Variants in WASHC5 observed in about 807,000 individuals in gnomAD.
The protein encoded by WASHC5 is WASH complex subunit strumpellin.
A neutral mutation model predicts 150.4 loss-of-function variants in WASHC5; 101 were observed. The observed-to-expected ratio is 0.67, with a 90% CI of 0.57 to 0.79. The LOEUF (loss-of-function observed/expected upper bound fraction) is 0.79, where lower values mean the gene tolerates loss of function less well. Ranked by LOEUF, WASHC5 falls within the 30% of genes least tolerant of loss-of-function variation. WASHC5 has a pLI of 0.00. For synonymous variants in WASHC5, 467 were observed against 491.2 expected (o/e 0.95, Z 0.65); for missense variants, 1,195 against 1,396.3 (o/e 0.86, Z 2.30).
At chr8:125,085,794 C>G (rs1230292537) in intron 1 of WASHC5, among the ~76,000 whole-genome samples, 1 of 152,190 alleles carries the variant, frequency 6.6e-6, no homozygotes, top group Non-Finnish European at 1.5e-5. Context: ...AAGACTTACA[C>G]AAATGAAATA....
intron 8 of WASHC5, among the ~76,000 whole-genome samples, chr8:125,074,729 A>G (rs1817001916): frequency 6.6e-6 from 1 of 152,200 alleles, no homozygotes; most frequent in Non-Finnish European, 1.5e-5. Context: ...GCAAAAGTAA[A>G]CTAAGTCATT....
chr8:125,024,647 G>C lies in WASHC5; in HGVS notation c.3450C>G (p.Phe1150Leu). The change falls in exon 29 of 29, where the codon TTC (phenylalanine) becomes TTG (leucine). Residue 1150 changes from phenylalanine (F) to leucine (L), a missense_variant. Physicochemically the swap from Phe to Leu is conservative, Grantham distance 22. Around this residue, in one of 3 missense-constraint regions of WASHC5, gnomAD observed 997 missense variants for 1,168.1 expected, o/e 0.85. Transcript: ENST00000318410. ...RRVAEAHVPNFIFDEFRTVL is the reference protein window; with the variant it reads ...RRVAEAHVPNLIFDEFRTVL ...GCACTGTTCTGAACTCATCAAAAAT[G>C]AAATTAGGCACATGTGCTTCAGCAA... 1.2e-6 allele frequency: 2 copies of C among 1,611,372 alleles called. No homozygotes were observed. Among genetic ancestry groups the C allele is most frequent in the Non-Finnish European group, 1.7e-6 (2 of 1,177,586 alleles).
At chr8:125,044,792 A>G in intron 20 of WASHC5, 94 bp from the exon 21 acceptor site, 1 of 1,237,586 alleles carries the variant, frequency 8.1e-7, no homozygotes, top group Non-Finnish European at 1.2e-6. Context: ...ACCAAATATG[A>G]AGAACAGGAG....
chr8:125,032,422 A>G, intron 26 of WASHC5, 28 bp from the exon 27 acceptor site: 1 of 1,612,860 alleles, frequency 6.2e-7, no homozygotes, highest in South Asian at 1.1e-5. Context: ...GCAACACCAT[A>G]TGAAGTACTT....
intron 10 of WASHC5, among the ~76,000 whole-genome samples, chr8:125,066,273 C>A (rs951862936): frequency 1.3e-5 from 2 of 152,174 alleles, no homozygotes; most frequent in African/African-American, 4.8e-5. Context: ...TGTTAGCAGT[C>A]AGTATCTATT....
chr8:125,038,044 C>T lies in WASHC5; in HGVS notation c.3085-711G>A, dbSNP rs147036493. On this transcript the variant is annotated intron_variant, in intron 25 of 28. Transcript: ENST00000318410. ...CCTCGGGTTCCTCAACTCATAATGG[C>T]GTATTTCATAGGGCTTGTTGTGAGA... Among the ~76,000 whole-genome samples the T allele has an allele frequency of 3.6e-3, 551 of 152,110 alleles. 2 individuals carry two copies. The highest frequency in any genetic ancestry group is 0.013 in the African/African-American group (525 of 41,490).
At chr8:125,041,241 C>T (rs1815875699) in intron 23 of WASHC5, among the ~76,000 whole-genome samples, 1 of 152,046 alleles carries the variant, frequency 6.6e-6, no homozygotes, top group African/African-American at 2.4e-5. Context: ...TCCTAAAAGA[C>T]TGGCAAAGGG....
In WASHC5 at chr8:125,056,827, A is replaced by G. The variant is rs767320180; in HGVS notation, c.1876-10T>C. 3.7e-6 allele frequency: 6 copies of G among 1,614,166 alleles called. No homozygotes were observed. The East Asian group carries it at 6.7e-5, about 18-fold the overall frequency. ...GGATGATCTGCAAAACCTTCAGTGA[A>G]AAGGAAAGCAGGAAACGCAATGAAC... is the stretch of plus-strand genomic sequence containing the variant. On this transcript the variant is annotated splice_polypyrimidine_tract_variant and intron_variant, in intron 15 of 28. Transcript: ENST00000318410.
intron 7 of WASHC5, among the ~76,000 whole-genome samples, chr8:125,075,361 G>A (rs537627112): frequency 3.7e-4 from 56 of 152,198 alleles, no homozygotes; most frequent in African/African-American, 1.3e-3. Flanking sequence ...TCTCTATTGT[G>A]TAATATTAAT....
intron 4 of WASHC5, 100 bp downstream of exon 4, chr8:125,082,283 A>G (rs1413884818): frequency 1.5e-5 from 11 of 733,536 alleles, no homozygotes; most frequent in African/African-American, 7.1e-5. Context: ...GCTTCTCTTT[A>G]AAGAATGGTA....
At chr8:125,086,428 C>T (rs1265484190) in intron 1 of WASHC5, among the ~76,000 whole-genome samples, 5 of 152,140 alleles carry the variant, frequency 3.3e-5, no homozygotes, top group Admixed American at 3.3e-4. Flanking sequence ...GCATGAGCTA[C>T]CAAGCCTGGC....
In WASHC5 at chr8:125,032,216, C is replaced by A. The variant is rs114682751; in HGVS notation, c.3335+25G>T. The A allele has an allele frequency of 7.4e-4, 1,190 of 1,613,696 alleles. 12 individuals are homozygous for A. In the African/African-American group the frequency reaches 0.012, roughly 16 times the overall value. ...TTAGGTTTTGTGACAAGAAGTCCCA[C>A]GTAGTCCTGGTTGGTCTTCTGTACC... On this transcript the variant is annotated intron_variant, in intron 27 of 28. Coordinates refer to ENST00000318410, the MANE Select transcript of WASHC5 (RefSeq NM_014846.4).
At chr8:125,044,922 T>C (rs1245255785) in intron 20 of WASHC5, 1 of 565,414 alleles carries the variant, frequency 1.8e-6, no homozygotes, top group Non-Finnish European at 3.2e-6. Context: ...CTATGCCATA[T>C]CATTGGTTTC....
At position 125,083,116 on chromosome 8, in the gene WASHC5, T is replaced by C. The variant is rs1476263456; in HGVS notation, c.329A>G (p.Asn110Ser). 3 of 1,525,736 alleles carry C rather than the reference T, an allele frequency of 2.0e-6. No homozygotes were observed. The highest frequency in any genetic ancestry group is 2.7e-6 in the Non-Finnish European group (3 of 1,101,068). 94.5% of individuals were successfully genotyped at this position (1,525,736 alleles called of 1,614,324 possible). The change falls in exon 3 of 29, where the codon AAC (asparagine) becomes AGC (serine). Residue 110 changes from asparagine to serine, a missense_variant. Physicochemically the swap from Asn to Ser is conservative, Grantham distance 46 (BLOSUM62 1). This residue lies in a region of WASHC5 where 195 missense variants were observed against 206.9 expected (regional missense o/e 0.94). Transcript: ENST00000318410. Reference sequence around the variant, plus strand: ...CTATTCCTAAATAGATCAATACCTGTTTAAGTCTACAATATATTTATGTAC... The same window carrying C: ...CTATTCCTAAATAGATCAATACCTGCTTAAGTCTACAATATATTTATGTAC... ...QSVHKYIVDL[N>S]RYLDDLNEGV... is the part of the protein sequence containing the mutation.
intron 28 of WASHC5, among the ~76,000 whole-genome samples, chr8:125,026,922 T>C (rs1563604878): frequency 1.3e-5 from 2 of 152,168 alleles, no homozygotes; most frequent in Non-Finnish European, 2.9e-5. Flanking sequence ...GAAATCTTGA[T>C]TGTAACTGCA....
intron 8 of WASHC5, among the ~76,000 whole-genome samples, chr8:125,074,335 G>A (rs906658224): frequency 1.3e-5 from 2 of 152,152 alleles, no homozygotes; most frequent in African/African-American, 4.8e-5. Context: ...CAATTTACTT[G>A]AATAAAACAT....
chr8:125,048,474 T>C (rs1816141303), intron 19 of WASHC5, among the ~76,000 whole-genome samples: 3 of 152,176 alleles, frequency 2.0e-5, no homozygotes, highest in Non-Finnish European at 4.4e-5. Flanking sequence ...GAAATGCAAA[T>C]CAAAACCATG....
chr8:125,059,581 T>C (rs1252006517), intron 12 of WASHC5, 39 bp from the exon 13 acceptor site: 3 of 1,467,808 alleles, frequency 2.0e-6, no homozygotes, highest in Non-Finnish European at 2.9e-6. Context: ...AAATCCTGAA[T>C]GGACTCTATG....
intron 5 of WASHC5, among the ~76,000 whole-genome samples, chr8:125,080,049 T>C (rs1468312696): frequency 1.3e-5 from 2 of 152,232 alleles, no homozygotes; most frequent in East Asian, 1.9e-4. Context: ...AGGTCTGTGA[T>C]TTTTCCGGGT....
Sources: gnomAD v4.1 joint callset for allele counts (sites outside exome capture counted in the v4.1 genomes callset) on GRCh38, gnomAD v4.1.1 for gene constraint, gnomAD v4.1.1 regional missense constraint, MANE v1.5 for transcripts, NCBI Gene and HGNC (gene_info 2026-07-23, HGNC 2026-07-21) for gene names.